GALNT18: variants seen among roughly 807,000 people sequenced by gnomAD.
GALNT18 encodes the protein polypeptide N-acetylgalactosaminyltransferase 18, also known as GalNAc-transferase 18.
A neutral mutation model predicts 69.5 loss-of-function variants in GALNT18; 44 were observed. The observed-to-expected ratio is 0.63, with a 90% confidence interval of 0.50 to 0.81. GALNT18 has a LOEUF of 0.81. GALNT18 is among the 40% of genes least tolerant of loss of function. The probability of loss-of-function intolerance (pLI) is 0.00; values close to 1 mark genes in which losing one functional copy is unlikely to be tolerated. For synonymous variants in GALNT18, 364 were observed against 318.2 expected (o/e 1.14, Z -1.53); for missense variants, 715 against 810.0 (o/e 0.88, Z 1.42).
intron 1 of GALNT18, among the ~76,000 whole-genome samples, chr11:11,552,962 C>T (rs754478861): frequency 6.6e-6 from 1 of 152,180 alleles, no homozygotes; most frequent in Non-Finnish European, 1.5e-5. Context: ...CACAGCTTCC[C>T]ATGCAAGGGT....
In GALNT18 at chr11:11,562,087, A is replaced by G. The variant is rs1858525146; in HGVS notation, c.235+59272T>C. Among the ~76,000 whole-genome samples, 2 of 152,232 alleles carry G rather than the reference A, an allele frequency of 1.3e-5. No homozygotes were observed. On this transcript the variant is annotated intron_variant, in intron 1 of 10. Coordinates refer to ENST00000227756, the MANE Select transcript of GALNT18 (RefSeq NM_198516.3). The surrounding 1 kb of genome is among the most constrained non-coding windows in gnomAD (Gnocchi z 4.1). ...CTAAAGGTGTGGGATTGCTCCCTGC[A>G]TTAGTTTGCTAGTGCTGTCCTAACT...
chr11:11,289,980 A>T (rs955004870), intron 10 of GALNT18, among the ~76,000 whole-genome samples: 1 of 152,188 alleles, frequency 6.6e-6, no homozygotes, highest in African/African-American at 2.4e-5. Flanking sequence ...CAGTTCAGGA[A>T]TACCCATGTC....
intron 10 of GALNT18, among the ~76,000 whole-genome samples, chr11:11,287,244 C>CA (rs1849211446): frequency 6.6e-6 from 1 of 152,206 alleles, no homozygotes; most frequent in South Asian, 2.1e-4. Flanking sequence ...TGAATTCAAA[C>CA]ATATAGATGG....
chr11:11,404,947 G>A lies in GALNT18; in HGVS notation c.596-25683C>T, dbSNP rs961311433. Reference sequence around the variant, plus strand: ...TAGAGCAGAGCATGAAAGGGGTCCCGCCTGTCATGGGGGAACAGATGAAGC... The same window carrying A: ...TAGAGCAGAGCATGAAAGGGGTCCCACCTGTCATGGGGGAACAGATGAAGC... On this transcript the variant is annotated intron_variant, in intron 3 of 10. Coordinates refer to ENST00000227756, the MANE Select transcript of GALNT18 (RefSeq NM_198516.3). The surrounding 1 kb of genome is among the most constrained non-coding windows in gnomAD (Gnocchi z 4.5). Among the ~76,000 whole-genome samples, 4 of 152,154 alleles carry A rather than the reference G, an allele frequency of 2.6e-5. No homozygotes were observed. Among genetic ancestry groups the A allele is most frequent in the African/African-American group, 7.2e-5 (3 of 41,430 alleles).
intron 3 of GALNT18, among the ~76,000 whole-genome samples, chr11:11,384,192 C>A (rs893285196): frequency 4.6e-5 from 7 of 152,054 alleles, no homozygotes; most frequent in Non-Finnish European, 1.0e-4. Flanking sequence ...GAAATCCTAA[C>A]CCCCAGTGTG....
chr11:11,516,317 C>T (rs1857274976), intron 1 of GALNT18, among the ~76,000 whole-genome samples: 1 of 152,202 alleles, frequency 6.6e-6, no homozygotes, highest in Non-Finnish European at 1.5e-5. Flanking sequence ...CTTAAATTCT[C>T]GTCTCAGCAC....
At chr11:11,571,529 A>C (rs2133997915) in intron 1 of GALNT18, among the ~76,000 whole-genome samples, 1 of 152,352 alleles carries the variant, frequency 6.6e-6, no homozygotes, top group Non-Finnish European at 1.5e-5. Context: ...AGTGAACACC[A>C]GCTTTCTGGT....
chr11:11,391,837 G>A (rs934326165), intron 3 of GALNT18, among the ~76,000 whole-genome samples: 2 of 152,222 alleles, frequency 1.3e-5, no homozygotes, highest in Admixed American at 1.3e-4. Flanking sequence ...AGAGAAGCAG[G>A]CATCTGGGCA....
At chr11:11,294,621 A>G (rs1055338856) in intron 9 of GALNT18, among the ~76,000 whole-genome samples, 121 of 152,194 alleles carry the variant, frequency 8.0e-4, no homozygotes, top group African/African-American at 2.5e-3. Flanking sequence ...AAAAAAAAAA[A>G]AAAACATAAA....
intron 1 of GALNT18, among the ~76,000 whole-genome samples, chr11:11,597,398 C>G (rs1859524959): frequency 6.6e-6 from 1 of 152,102 alleles, no homozygotes; most frequent in South Asian, 2.1e-4. Context: ...AGAAGTTACC[C>G]AGTAAAGCCA....
At position 11,372,621 on chromosome 11, in the gene GALNT18, G is replaced by A; in HGVS notation, c.986C>T (p.Ala329Val). The part of the protein sequence containing the change: ...ENSTAPIRSP[A>V]LIGCFIVDRQ... Reference sequence around the variant, plus strand: ...GTCCACAATGAAGCAGCCAATGAGGGCAGGGCTCCTGCAGGGGCAGGGGAG... The same window carrying A: ...GTCCACAATGAAGCAGCCAATGAGGACAGGGCTCCTGCAGGGGCAGGGGAG... The change falls in exon 6 of 11, where the codon GCC (alanine) becomes GTC (valine). Residue 329 changes from alanine (A) to valine (V), a missense_variant. Physicochemically the swap from Ala to Val is moderately conservative, Grantham distance 64. Coordinates refer to ENST00000227756, the MANE Select transcript of GALNT18 (RefSeq NM_198516.3). This position sits in a 1 kb window ranked among gnomAD's most constrained non-coding sequence, Gnocchi z 4.9. The A allele has an allele frequency of 6.2e-7, 1 of 1,614,032 alleles. No individual in the cohort carries two copies. Among genetic ancestry groups the A allele is most frequent in the Non-Finnish European group, 8.5e-7 (1 of 1,179,936 alleles).
chr11:11,621,659 C>T lies in GALNT18; in HGVS notation c.-66G>A, dbSNP rs539975296. 10 of 1,240,458 alleles carry T rather than the reference C, an allele frequency of 8.1e-6. No individual in the cohort carries two copies. The South Asian group carries it at 1.1e-4, about 14-fold the overall frequency. The allele number at this position is 1,240,458 out of a possible 1,614,324, so 76.8% of individuals were successfully genotyped here. A position where few individuals can be genotyped will look rare whatever the true frequency, so the allele number is the denominator to read the frequency against. On this transcript the variant is annotated 5_prime_UTR_variant, in exon 1 of 11. Transcript: ENST00000227756. The surrounding 1 kb of genome is among the most constrained non-coding windows in gnomAD (Gnocchi z 9.3). Reference sequence around the variant, plus strand: ...CCTTGTCGTGCGCCCCGAACTCCCCCGCGCTCGCACCCCGTAGCACGTCCG... The same window carrying T: ...CCTTGTCGTGCGCCCCGAACTCCCCTGCGCTCGCACCCCGTAGCACGTCCG...
rs1450256771 is a variant in GALNT18 at position 11,382,524 on chromosome 11, A to C, written c.596-3260T>G. Among the ~76,000 whole-genome samples, 2 of 152,224 alleles carry C rather than the reference A, an allele frequency of 1.3e-5. No individual in the cohort carries two copies. Among genetic ancestry groups the C allele is most frequent in the Non-Finnish European group, 1.5e-5 (1 of 68,044 alleles). On this transcript the variant is annotated intron_variant, in intron 3 of 10. Coordinates refer to ENST00000227756, the MANE Select transcript of GALNT18 (RefSeq NM_198516.3). This position sits in a 1 kb window ranked among gnomAD's most constrained non-coding sequence, Gnocchi z 4.3. ...ATCTCTCAGAACTTCTTAGCTCCAA[A>C]GATTGTGTTTTTGGAGTTGAACTTG...
intron 9 of GALNT18, among the ~76,000 whole-genome samples, chr11:11,322,360 C>T (rs12421459): frequency 0.17 from 26,265 of 152,156 alleles, 2,405 homozygotes; most frequent in Middle Eastern, 0.19. Context: ...CTGGCAGCCT[C>T]TGCTCAGGCC....
At chr11:11,458,039 G>T (rs964570591) in intron 1 of GALNT18, among the ~76,000 whole-genome samples, 1 of 152,158 alleles carries the variant, frequency 6.6e-6, no homozygotes, top group Non-Finnish European at 1.5e-5. Context: ...GTACACTTGG[G>T]GTGCAGACCC....
In GALNT18 at chr11:11,604,174, A is replaced by C; in HGVS notation, c.235+17185T>G. Among the ~76,000 whole-genome samples the C allele has an allele frequency of 6.6e-6, 1 of 152,236 alleles. No homozygotes were observed. Among genetic ancestry groups the C allele is most frequent in the East Asian group, 1.9e-4 (1 of 5,206 alleles). On this transcript the variant is annotated intron_variant, in intron 1 of 10. Coordinates refer to ENST00000227756, the MANE Select transcript of GALNT18 (RefSeq NM_198516.3). This position sits in a 1 kb window ranked among gnomAD's most constrained non-coding sequence, Gnocchi z 5.6. ...AGTGTCTGTTATTAATACACCACAC[A>C]GTTTATGGTATTTTGTTATAGCAGC...
rs1014038031 is a variant in GALNT18 at position 11,546,930 on chromosome 11, C to CT, written c.235+74428dup. ...GGTAGGTGGATGGATATGGAATCTTCTTTTTTTTTTTTTAACTCTTGTCAT... is the reference window on the plus strand; with the variant it reads ...GGTAGGTGGATGGATATGGAATCTTCTTTTTTTTTTTTTTAACTCTTGTCAT... On this transcript the variant is annotated intron_variant, in intron 1 of 10. Coordinates refer to ENST00000227756, the MANE Select transcript of GALNT18 (RefSeq NM_198516.3). The surrounding 1 kb of genome is among the most constrained non-coding windows in gnomAD (Gnocchi z 5.8). Among the ~76,000 whole-genome samples the CT allele has an allele frequency of 2.7e-3, 383 of 142,242 alleles. 3 individuals are homozygous for CT. The highest frequency in any genetic ancestry group is 6.4e-3 in the African/African-American group (249 of 38,888). 93.3% of individuals were successfully genotyped at this position (142,242 alleles called of 152,430 possible). A position where few individuals can be genotyped will look rare whatever the true frequency, so the allele number is the denominator to read the frequency against.
intron 6 of GALNT18, among the ~76,000 whole-genome samples, chr11:11,364,389 C>T (rs890275642): frequency 6.6e-6 from 1 of 152,080 alleles, no homozygotes; most frequent in African/African-American, 2.4e-5. Flanking sequence ...ATTCTTGCTA[C>T]AAAATTAAGC....
In GALNT18 at chr11:11,555,834, G is replaced by C. The variant is rs1858320373; in HGVS notation, c.235+65525C>G. Among the ~76,000 whole-genome samples, 1 of 152,184 alleles carries C rather than the reference G, an allele frequency of 6.6e-6. No homozygotes were observed. The highest frequency in any genetic ancestry group is 2.4e-5 in the African/African-American group (1 of 41,452). Reference sequence around the variant, plus strand: ...ATCTCTACCAGACCAAGTGGACTCTGTCTCAAAGACATGGAATCTTCTCCA... The same window carrying C: ...ATCTCTACCAGACCAAGTGGACTCTCTCTCAAAGACATGGAATCTTCTCCA... On this transcript the variant is annotated intron_variant, in intron 1 of 10. Coordinates refer to ENST00000227756, the MANE Select transcript of GALNT18 (RefSeq NM_198516.3). The surrounding 1 kb of genome is among the most constrained non-coding windows in gnomAD (Gnocchi z 4.7).
Sources: allele counts gnomAD v4.1 joint callset (sites outside exome capture counted in the v4.1 genomes callset), GRCh38; gene constraint gnomAD v4.1.1; non-coding constraint Gnocchi (gnomAD v3.1); transcripts MANE v1.5; gene names NCBI Gene and HGNC (gene_info 2026-07-23, HGNC 2026-07-21).